MGARP: variants seen among roughly 807,000 people sequenced by gnomAD.
MGARP encodes the protein protein MGARP.
MGARP carries 12 observed loss-of-function variants against 11.0 expected under a neutral mutation model. The observed-to-expected ratio is 1.09, with a 90% CI of 0.70 to 1.77. The LOEUF is 1.77. Ranked by LOEUF, MGARP falls within the 40% of genes most tolerant of loss-of-function variation. The pLI, the probability that MGARP is intolerant of heterozygous loss-of-function variation, is 0.00. For missense variants in MGARP, 283 were observed against 297.8 expected (o/e 0.95, Z 0.36); for synonymous variants, 110 against 115.4 (o/e 0.95, Z 0.30).
chr4:139,269,630 CAAAA>C (rs56142345), intron 2 of MGARP, among the ~76,000 whole-genome samples: 1 of 81,854 alleles, frequency 1.2e-5, no homozygotes, highest in Non-Finnish European at 2.6e-5. Flanking sequence ...GACTCCATCT[CAAAA>C]AAAAAAAAAA....
At chr4:139,280,001 G>T (rs186492536) in intron 1 of MGARP, 76 bp downstream of exon 1, 55 of 1,520,922 alleles carry the variant, frequency 3.6e-5, no homozygotes, top group Non-Finnish European at 4.9e-5. Flanking sequence ...ACTGGGTGCC[G>T]GCCGGTTCCC....
At chr4:139,272,820 G>A (rs532701450) in intron 2 of MGARP, among the ~76,000 whole-genome samples, 1 of 150,712 alleles carries the variant, frequency 6.6e-6, no homozygotes, top group South Asian at 2.1e-4. Context: ...AGAGTAGCTG[G>A]GATTACAGGT....
At chr4:139,269,866 G>A (rs927615301) in intron 2 of MGARP, among the ~76,000 whole-genome samples, 2 of 152,080 alleles carry the variant, frequency 1.3e-5, no homozygotes, top group Non-Finnish European at 2.9e-5. Context: ...TTAATGGTAA[G>A]ATGATAGATT....
chr4:139,267,618 G>T (rs566767873), intron 3 of MGARP, among the ~76,000 whole-genome samples: 9 of 152,016 alleles, frequency 5.9e-5, no homozygotes, highest in Non-Finnish European at 1.2e-4. Flanking sequence ...ATGAAAAGGG[G>T]ATTAAAATAA....
intron 3 of MGARP, among the ~76,000 whole-genome samples, chr4:139,267,558 A>G (rs1170912391): frequency 6.6e-6 from 1 of 152,198 alleles, no homozygotes; most frequent in African/African-American, 2.4e-5. Flanking sequence ...TAGGGTATTG[A>G]TAATATCTAC....
chr4:139,266,453 A>G lies in MGARP; in HGVS notation c.*146T>C. ...CTCAAGTCTCTCAGTCCTAAAATCTATCAGTGGATGCCAAAAATCTTCAAG... is the reference window on the plus strand; with the variant it reads ...CTCAAGTCTCTCAGTCCTAAAATCTGTCAGTGGATGCCAAAAATCTTCAAG... On this transcript the variant is annotated 3_prime_UTR_variant, in exon 4 of 4. Transcript: ENST00000398955. 1 of 696,878 alleles carries G rather than the reference A, an allele frequency of 1.4e-6. No individual in the cohort carries two copies. The highest frequency in any genetic ancestry group is 2.3e-6 in the Non-Finnish European group (1 of 426,428). 43.2% of individuals were successfully genotyped at this position (696,878 alleles called of 1,614,324 possible). A position where few individuals can be genotyped will look rare whatever the true frequency, so the allele number is the denominator to read the frequency against.
rs1744710424 is a variant in MGARP, at chr4:139,267,051, T to C, written c.281-10A>G. ...ACATTCTCCTTTTCACCTTTAAGAATTAGTCATTAAGCAAGGTATTAATTT... is the reference window on the plus strand; with the variant it reads ...ACATTCTCCTTTTCACCTTTAAGAACTAGTCATTAAGCAAGGTATTAATTT... On this transcript the variant is annotated splice_polypyrimidine_tract_variant and intron_variant, in intron 3 of 3. Transcript: ENST00000398955. 1 of 1,608,574 alleles carries C rather than the reference T, an allele frequency of 6.2e-7. No homozygotes were observed. Among genetic ancestry groups the C allele is most frequent in the Admixed American group, 1.7e-5 (1 of 59,024 alleles).
intron 2 of MGARP, among the ~76,000 whole-genome samples, chr4:139,270,607 T>TA (rs1744765049): frequency 1.5e-5 from 1 of 66,894 alleles, no homozygotes. Context: ...AGACCGCGTC[T>TA]GAAAAAAAAA....
Position 139,268,772 on chromosome 4 carries a change from G to A in MGARP, c.187-7C>T. The A allele has an allele frequency of 1.3e-6, 2 of 1,590,388 alleles. No individual in the cohort carries two copies. The highest frequency in any genetic ancestry group is 1.7e-6 in the Non-Finnish European group (2 of 1,165,568). ...ATGTGACTGTCTTGTAAGCCTGAAA[G>A]TAAATGTATGCTTAGGTTTATTTCT... On this transcript the variant is annotated splice_region_variant and splice_polypyrimidine_tract_variant and intron_variant, in intron 2 of 3. Coordinates refer to ENST00000398955, the MANE Select transcript of MGARP (RefSeq NM_032623.4).
Position 139,268,744 on chromosome 4 carries a change from C to G in MGARP, c.208G>C (p.Asp70His), listed in dbSNP as rs1201643161. 2 of 1,609,510 alleles carry G rather than the reference C, an allele frequency of 1.2e-6. No homozygotes were observed. The highest frequency in any genetic ancestry group is 1.7e-6 in the Non-Finnish European group (2 of 1,178,430). ...TTATGTTCTGTGTGTTTGGCTTGGT[C>G]TGATGTGACTGTCTTGTAAGCCTGA... ...GYYAYKTVTS[D>H]QAKHTEHKTN... The change falls in exon 3 of 4, where the codon GAC becomes CAC. Residue 70 changes from aspartate to histidine, a missense_variant. Coordinates refer to ENST00000398955, the MANE Select transcript of MGARP (RefSeq NM_032623.4).
chr4:139,268,796 C>A, intron 2 of MGARP, 31 bp from the exon 3 acceptor site: 1 of 1,532,524 alleles, frequency 6.5e-7, no homozygotes, highest in Non-Finnish European at 8.9e-7. Flanking sequence ...AGGTTTATTT[C>A]TTGAGCTTTA....
At position 139,266,972 on chromosome 4, in the gene MGARP, G is replaced by A. The variant is rs1744708527; in HGVS notation, c.350C>T (p.Ala117Val). The A allele has an allele frequency of 1.9e-6, 3 of 1,614,112 alleles. No homozygotes were observed. The highest frequency in any genetic ancestry group is 2.5e-6 in the Non-Finnish European group (3 of 1,180,022). The change falls in exon 4 of 4, where the codon GCT (alanine) becomes GTT (valine). Residue 117 changes from alanine (A) to valine (V), a missense_variant. Transcript: ENST00000398955. ...ACTTTCTTCAGCATCTACCACCTCA[G>A]CTTCCACTATAAGTTCTTCTGGGGC... ...SEAPEELIVEAEVVDAEESPS... is the reference protein window; with the variant it reads ...SEAPEELIVEVEVVDAEESPS...
At chr4:139,278,936 C>A (rs1209044753) in intron 1 of MGARP, among the ~76,000 whole-genome samples, 1 of 152,156 alleles carries the variant, frequency 6.6e-6, no homozygotes, top group Non-Finnish European at 1.5e-5. Flanking sequence ...TTCCCTCCCA[C>A]CACCACCAAC....
rs373986565 is a variant in MGARP, at chr4:139,266,728, C to T, written c.594G>A (p.Lys198=). ...VTIDNDKDTT[K]NETSDEYAEL... ...CAGCATATTCATCAGAGGTTTCGTT[C>T]TTTGTTGTATCTTTATCATTATCGA... The change falls in exon 4 of 4, where the codon AAG becomes AAA. Residue 198 remains lysine, a synonymous_variant. Transcript: ENST00000398955. 4 of 1,613,998 alleles carry T rather than the reference C, an allele frequency of 2.5e-6. No individual in the cohort carries two copies. In the South Asian group the frequency reaches 4.4e-5, roughly 18 times the overall value.
Position 139,280,064 on chromosome 4 carries a change from C to G in MGARP, c.82+13G>C. The G allele has an allele frequency of 6.2e-7, 1 of 1,612,002 alleles. No individual in the cohort carries two copies. The highest frequency in any genetic ancestry group is 8.5e-7 in the Non-Finnish European group (1 of 1,179,650). ...CGCCCGTCCTCCTCTCCGGGCTAGA[C>G]CTCCTTACTCACCGTCCTTTCCGAG... On this transcript the variant is annotated intron_variant, in intron 1 of 3. Transcript: ENST00000398955.
intron 1 of MGARP, 140 bp from the exon 2 acceptor site, chr4:139,275,532 T>C: frequency 1.6e-6 from 1 of 628,326 alleles, no homozygotes; most frequent in African/African-American, 1.8e-5. Flanking sequence ...GGGAATACAG[T>C]ATTACGAGGC....
At chr4:139,272,457 G>C (rs1458262672) in intron 2 of MGARP, among the ~76,000 whole-genome samples, 1 of 150,956 alleles carries the variant, frequency 6.6e-6, no homozygotes, top group Non-Finnish European at 1.5e-5. Context: ...TACTCAGGAG[G>C]CTGAGGCAGG....
At chr4:139,272,739 T>G (rs1265681504) in intron 2 of MGARP, among the ~76,000 whole-genome samples, 18 of 142,532 alleles carry the variant, frequency 1.3e-4, no homozygotes, top group African/African-American at 4.3e-4. Flanking sequence ...CCAGGCTGAG[T>G]GCAGTGGTGC....
intron 2 of MGARP, among the ~76,000 whole-genome samples, chr4:139,272,235 A>G (rs924660431): frequency 6.6e-6 from 1 of 152,060 alleles, no homozygotes; most frequent in Non-Finnish European, 1.5e-5. Flanking sequence ...TGAGGCTCTC[A>G]AAATTCTGAA....
Sources: allele counts gnomAD v4.1 joint callset (sites outside exome capture counted in the v4.1 genomes callset), GRCh38; gene constraint gnomAD v4.1.1; transcripts MANE v1.5; gene names NCBI Gene and HGNC (gene_info 2026-07-23, HGNC 2026-07-21).